The following RNF19B variants were observed in gnomAD, a reference collection of about 807,000 sequenced individuals.
RNF19B encodes the protein ring finger protein 19B.
RNF19B carries 23 observed loss-of-function variants against 65.5 expected under a neutral mutation model. The observed-to-expected ratio is 0.35, with a 90% confidence interval of 0.25 to 0.50. RNF19B has a LOEUF of 0.50. Ranked by LOEUF, RNF19B falls within the 20% of genes least tolerant of loss-of-function variation. The pLI is 0.98. For missense variants in RNF19B, 794 were observed against 980.0 expected, an observed-to-expected ratio of 0.81 and a Z score of 2.53; for synonymous variants, 372 against 379.6, an observed-to-expected ratio of 0.98 and a Z score of 0.23.
chr1:32,960,999 G>A (rs1457591140), intron 1 of RNF19B, among the ~76,000 whole-genome samples: 1 of 145,174 alleles, frequency 6.9e-6, no homozygotes, highest in Non-Finnish European at 1.5e-5. Context: ...TTGGGTGACA[G>A]AGCGAGACGC....
Position 32,955,662 on chromosome 1 carries a change from C to T in RNF19B, c.636-5888G>A, listed in dbSNP as rs958834103. ...TACTCAGGAGGCTGAGGTGGGAGGA[C>T]GGCTACAGCCCGGGAGGTGGAGGCT... On this transcript the variant is annotated intron_variant, in intron 1 of 8. Coordinates refer to ENST00000235150, the MANE Select transcript of RNF19B (RefSeq NM_001300826.2). Among the ~76,000 whole-genome samples the T allele has an allele frequency of 1.4e-4, 21 of 149,904 alleles. 1 individual carries two copies. The highest frequency in any genetic ancestry group is 8.5e-4 in the South Asian group (4 of 4,726).
At position 32,944,134 on chromosome 1, in the gene RNF19B, T is replaced by C. The variant is rs749760828; in HGVS notation, c.1287A>G (p.Ala429=). The C allele has an allele frequency of 2.5e-6, 4 of 1,613,490 alleles. No homozygotes were observed. In the African/African-American group the frequency reaches 4.0e-5, roughly 16 times the overall value. Residue 429 remains alanine, a synonymous_variant, in exon 6 of 9, where the codon GCA becomes GCG. Transcript: ENST00000235150. Reference sequence around the variant, plus strand: ...AAATGGGCACAACCCCATAAACATATGCCAGCATAATGGGGACACCAATAC... The same window carrying C: ...AAATGGGCACAACCCCATAAACATACGCCAGCATAATGGGGACACCAATAC... ...SVGIGVPIML[A]YVYGVVPISL...
In RNF19B at chr1:32,937,173, G is replaced by A; in HGVS notation, c.1829C>T (p.Ser610Leu). ...TGCCATCTGAGCATGAACATGGAGC[G>A]AGTCCTCCGTGCTGCTTCCACTCAC... ...QLVSGSSTED[S>L]LHVHAQMAEN... The change falls in exon 9 of 9, where the codon TCG becomes TTG. Residue 610 changes from serine (S) to leucine (L), a missense_variant. This residue lies in a region of RNF19B where 368 missense variants were observed against 447.3 expected (regional missense o/e 0.82). Transcript: ENST00000235150. 4 of 1,614,092 alleles carry A rather than the reference G, an allele frequency of 2.5e-6. No individual in the cohort carries two copies. Among genetic ancestry groups the A allele is most frequent in the Non-Finnish European group, 2.5e-6 (3 of 1,180,018 alleles).
chr1:32,937,477 C>T (rs1364610853), intron 8 of RNF19B, among the ~76,000 whole-genome samples: 4 of 152,004 alleles, frequency 2.6e-5, no homozygotes, highest in Admixed American at 6.6e-5. Context: ...TTTGGGAGGT[C>T]GAGGTGTGAG....
rs772886371 is a variant in RNF19B, at chr1:32,949,771, A to G, written c.639T>C (p.Tyr213=). ...TGGCACAGCCATAGGCAATAACAGC[A>G]TAACTAGGTAAGGAAACAGTAAGAG... ...CRWCPAPDCG[Y]AVIAYGCASC... is the part of the protein sequence containing the mutation. Residue 213 remains tyrosine, a synonymous_variant, in exon 2 of 9, where the codon TAT becomes TAC. Coordinates refer to ENST00000235150, the MANE Select transcript of RNF19B (RefSeq NM_001300826.2). 4 of 1,612,882 alleles carry G rather than the reference A, an allele frequency of 2.5e-6. No individual in the cohort carries two copies. In the South Asian group the frequency reaches 3.3e-5, roughly 13 times the overall value.
rs570461932 is a variant in RNF19B, at chr1:32,956,269, C to T, written c.636-6495G>A. ...GTAGTCCCAGCTACTCCCAGCTACT[C>T]GGGAGGCTGAGGCAGGAGAATCACT... On this transcript the variant is annotated intron_variant, in intron 1 of 8. Transcript: ENST00000235150. 2.0e-4 allele frequency among the ~76,000 whole-genome samples: 31 copies of T among 152,208 alleles called. No homozygotes were observed. In the South Asian group the frequency reaches 4.8e-3, roughly 23 times the overall value.
chr1:32,954,815 A>G (rs142855197), intron 1 of RNF19B, among the ~76,000 whole-genome samples: 15 of 152,110 alleles, frequency 9.9e-5, no homozygotes, highest in African/African-American at 3.6e-4. Context: ...TCACATTCAA[A>G]CGTAGCTAAA....
chr1:32,943,578 C>T (rs1642290708), intron 6 of RNF19B, among the ~76,000 whole-genome samples: 3 of 151,454 alleles, frequency 2.0e-5, no homozygotes, highest in South Asian at 2.1e-4. Flanking sequence ...ATCGCGACAT[C>T]GTACTCCAGC....
chr1:32,957,833 C>CA (rs531588390), intron 1 of RNF19B, among the ~76,000 whole-genome samples: 49 of 151,986 alleles, frequency 3.2e-4, no homozygotes, highest in African/African-American at 1.2e-3. Context: ...GACTCCATCT[C>CA]AAAAAAAAGT....
chr1:32,947,805 T>TAAAAGATAAAAG (rs1433532746), intron 3 of RNF19B, among the ~76,000 whole-genome samples: 4 of 152,020 alleles, frequency 2.6e-5, no homozygotes, highest in Non-Finnish European at 5.9e-5. Context: ...GTACTGACGA[T>TAAAAGATAAAAG]ATTTATGACA....
chr1:32,941,302 T>C (rs1642224905), intron 7 of RNF19B, among the ~76,000 whole-genome samples: 1 of 152,108 alleles, frequency 6.6e-6, no homozygotes, highest in Non-Finnish European at 1.5e-5. Context: ...CCCAGCACTT[T>C]GGGAGGCTGA....
In RNF19B at chr1:32,949,768, A is replaced by C; in HGVS notation, c.642T>G (p.Ala214=). 6.2e-7 allele frequency: 1 copy of C among 1,613,334 alleles called. No homozygotes were observed. The highest frequency in any genetic ancestry group is 1.7e-5 in the Admixed American group (1 of 59,942). ...AGCTGGCACAGCCATAGGCAATAAC[A>C]GCATAACTAGGTAAGGAAACAGTAA... The part of the protein sequence containing the change: ...RWCPAPDCGY[A]VIAYGCASCP... Residue 214 remains alanine (A), a synonymous_variant, in exon 2 of 9, where the codon GCT becomes GCG. Coordinates refer to ENST00000235150, the MANE Select transcript of RNF19B (RefSeq NM_001300826.2).
chr1:32,954,127 T>C (rs1327840577), intron 1 of RNF19B, among the ~76,000 whole-genome samples: 3 of 151,016 alleles, frequency 2.0e-5, no homozygotes, highest in African/African-American at 7.3e-5. Context: ...GCCAGGCTGG[T>C]CTCGAACTCC....
chr1:32,959,744 A>G lies in RNF19B; in HGVS notation c.635+4307T>C, dbSNP rs200496820. On this transcript the variant is annotated intron_variant, in intron 1 of 8. Coordinates refer to ENST00000235150, the MANE Select transcript of RNF19B (RefSeq NM_001300826.2). ...GGCCATATTGTTCTTAGTATATTAA[A>G]TAATAATGTGAGGCCGGGCACAGTG... Among the ~76,000 whole-genome samples, 15 of 152,282 alleles carry G rather than the reference A, an allele frequency of 9.9e-5. No individual in the cohort carries two copies. In the East Asian group the frequency reaches 2.9e-3, roughly 29 times the overall value.
chr1:32,949,496 T>C (rs1466660290), intron 2 of RNF19B, 73 bp downstream of exon 2: 7 of 1,317,172 alleles, frequency 5.3e-6, no homozygotes, highest in Non-Finnish European at 7.6e-6. Flanking sequence ...TACAATAAGA[T>C]AATTTCTTTC....
rs1316599652 is a variant in RNF19B at position 32,942,276 on chromosome 1, G to C, written c.1586C>G (p.Ser529Cys). 6.2e-7 allele frequency: 1 copy of C among 1,611,324 alleles called. No individual in the cohort carries two copies. The highest frequency in any genetic ancestry group is 8.5e-7 in the Non-Finnish European group (1 of 1,177,662). ...SGGTLSGGIL[S>C]SGKGKYSRLE... ...CCTGCTATATTTTCCCTTGCCACTG[G>C]AGAGAATGCCGCCACTCAGCGTGCC... is the stretch of plus-strand genomic sequence containing the variant. The change falls in exon 7 of 9, where the codon TCC (serine) becomes TGC (cysteine). Residue 529 changes from serine (S) to cysteine (C), a missense_variant. Physicochemically the swap from Ser to Cys is moderately radical, Grantham distance 112. This residue lies in a region of RNF19B where 368 missense variants were observed against 447.3 expected (regional missense o/e 0.82). Coordinates refer to ENST00000235150, the MANE Select transcript of RNF19B (RefSeq NM_001300826.2).
At chr1:32,940,030 C>G (rs1211556990) in intron 7 of RNF19B, among the ~76,000 whole-genome samples, 2 of 152,218 alleles carry the variant, frequency 1.3e-5, no homozygotes, top group Non-Finnish European at 2.9e-5. Flanking sequence ...CAGCTTCCAT[C>G]CTACTGCCTG....
In RNF19B at chr1:32,937,152, A is replaced by C. The variant is rs1368940023; in HGVS notation, c.1850T>G (p.Met617Arg). ...ACTACCTTCTTCTTCATTCTCTGCC[A>C]TCTGAGCATGAACATGGAGCGAGTC... ...TEDSLHVHAQMAENEEEGSGG... is the reference protein window; with the variant it reads ...TEDSLHVHAQRAENEEEGSGG... The change falls in exon 9 of 9, where the codon ATG (methionine) becomes AGG (arginine). Residue 617 changes from methionine to arginine, a missense_variant. By Grantham distance (91) the Met-to-Arg change is moderately conservative. This residue lies in a region of RNF19B where 368 missense variants were observed against 447.3 expected (regional missense o/e 0.82). Coordinates refer to ENST00000235150, the MANE Select transcript of RNF19B (RefSeq NM_001300826.2). 6.2e-7 allele frequency: 1 copy of C among 1,614,126 alleles called. No homozygotes were observed. Among genetic ancestry groups the C allele is most frequent in the Non-Finnish European group, 8.5e-7 (1 of 1,180,036 alleles).
intron 1 of RNF19B, among the ~76,000 whole-genome samples, chr1:32,952,962 ATTTT>A (rs71278768): frequency 1.7e-5 from 2 of 120,036 alleles, no homozygotes; most frequent in Non-Finnish European, 1.7e-5. Flanking sequence ...TAATCACACA[ATTTT>A]TTTTTTTTTT....
Sources: allele counts gnomAD v4.1 joint callset (sites outside exome capture counted in the v4.1 genomes callset), GRCh38; gene constraint gnomAD v4.1.1; regional missense constraint gnomAD v4.1.1; transcripts MANE v1.5; gene names NCBI Gene and HGNC (gene_info 2026-07-23, HGNC 2026-07-21).